Variants in EYS observed in about 807,000 individuals in gnomAD.
EYS encodes EGF-like photoreceptor maintenance factor, also known as protein eyes shut homolog.
Under a neutral mutation model 282.1 loss-of-function variants are expected in EYS, and 250 were observed. The observed-to-expected ratio is 0.89, with a 90% CI of 0.80 to 0.98. The LOEUF is 0.98. Ranked by LOEUF, EYS falls within the 50% of genes least tolerant of loss-of-function variation. EYS has a pLI of 0.00. For synonymous variants in EYS, 1,355 were observed against 1,282.9 expected, an observed-to-expected ratio of 1.06 and a Z score of -1.20; for missense variants, 4,016 against 3,709.0, an observed-to-expected ratio of 1.08 and a Z score of -2.15.
chr6:64,258,345 C>T (rs1767471968), intron 30 of EYS, among the ~76,000 whole-genome samples: 1 of 151,940 alleles, frequency 6.6e-6, no homozygotes, highest in Admixed American at 6.6e-5. Context: ...GAGAGTGAAC[C>T]CCCAAGGCTG....
At chr6:64,820,991 T>C (rs1488356762) in intron 21 of EYS, among the ~76,000 whole-genome samples, 1 of 152,036 alleles carries the variant, frequency 6.6e-6, no homozygotes, top group Non-Finnish European at 1.5e-5. Flanking sequence ...CCCTTTACCA[T>C]GTTATTGTCA....
Position 64,822,722 on chromosome 6 carries a change from C to T in EYS, c.3093G>A (p.Lys1031=). ...DGINHYTCDC[K]SGFFGTHCET... ...CACAGTGTGTTCCAAAAAACCCACTCTTGCAGTCACAGGTATAATGATTGA... is the reference window on the plus strand; with the variant it reads ...CACAGTGTGTTCCAAAAAACCCACTTTTGCAGTCACAGGTATAATGATTGA... The change falls in exon 20 of 43, where the codon AAG becomes AAA. Residue 1031 remains lysine (K), a synonymous_variant. Coordinates refer to ENST00000503581, the MANE Select transcript of EYS (RefSeq NM_001142800.2). The T allele has an allele frequency of 1.9e-6, 3 of 1,549,634 alleles. No individual in the cohort carries two copies. The highest frequency in any genetic ancestry group is 2.6e-6 in the Non-Finnish European group (3 of 1,145,996).
intron 31 of EYS, among the ~76,000 whole-genome samples, chr6:64,197,589 T>A (rs1024875587): frequency 3.3e-5 from 5 of 152,168 alleles, no homozygotes; most frequent in Admixed American, 2.6e-4. Context: ...CAGAAATAGT[T>A]TCCTCAAATT....
intron 26 of EYS, among the ~76,000 whole-genome samples, chr6:64,553,037 T>C (rs1327568130): frequency 1.3e-5 from 2 of 151,312 alleles, no homozygotes; most frequent in East Asian, 3.9e-4. Flanking sequence ...TCAATCAATG[T>C]ACATCTTGCA....
At chr6:64,333,567 C>A (rs548319689) in intron 29 of EYS, among the ~76,000 whole-genome samples, 1 of 152,250 alleles carries the variant, frequency 6.6e-6, no homozygotes, top group East Asian at 1.9e-4. Flanking sequence ...CTGGAACATG[C>A]AACCCACTCA....
chr6:64,249,611 G>A (rs1403375570), intron 30 of EYS, among the ~76,000 whole-genome samples: 1 of 152,090 alleles, frequency 6.6e-6, no homozygotes, highest in African/African-American at 2.4e-5. Context: ...GAATCAACAA[G>A]AGAGAAATTT....
chr6:65,293,908 A>T (rs1365501669), intron 12 of EYS, among the ~76,000 whole-genome samples: 3 of 151,968 alleles, frequency 2.0e-5, no homozygotes, highest in Non-Finnish European at 4.4e-5. Flanking sequence ...TTGATATAAA[A>T]AGCCATGGTT....
At chr6:65,374,859 C>T (rs553187297) in intron 8 of EYS, among the ~76,000 whole-genome samples, 76 of 152,214 alleles carry the variant, frequency 5.0e-4, no homozygotes, top group African/African-American at 1.6e-3. Flanking sequence ...AGGGCATCTC[C>T]GAAAGAAAGG....
At chr6:63,791,185 G>C (rs961160480) in intron 37 of EYS, among the ~76,000 whole-genome samples, 2 of 152,088 alleles carry the variant, frequency 1.3e-5, no homozygotes, top group African/African-American at 4.8e-5. Context: ...CTTGTTAGAT[G>C]AAAAAAGAGG....
At chr6:63,974,707 G>C (rs545730456) in intron 35 of EYS, among the ~76,000 whole-genome samples, 1 of 151,812 alleles carries the variant, frequency 6.6e-6, no homozygotes, top group African/African-American at 2.4e-5. Flanking sequence ...TTTCAAATTC[G>C]GTGTAAGGAA....
intron 22 of EYS, among the ~76,000 whole-genome samples, chr6:64,707,466 A>G (rs148143425): frequency 0.017 from 2,526 of 152,012 alleles, 62 homozygotes; most frequent in African/African-American, 0.055. Flanking sequence ...TCAGGAGATC[A>G]AGACCATCCT....
At chr6:65,468,116 A>G (rs1418491962) in intron 5 of EYS, among the ~76,000 whole-genome samples, 1 of 152,078 alleles carries the variant, frequency 6.6e-6, no homozygotes, top group Non-Finnish European at 1.5e-5. Context: ...TAACCTCCTG[A>G]GCACTCCTAT....
At chr6:64,656,716 G>T (rs1202579961) in intron 22 of EYS, among the ~76,000 whole-genome samples, 1 of 152,160 alleles carries the variant, frequency 6.6e-6, no homozygotes, top group African/African-American at 2.4e-5. Context: ...ATCAGTAATT[G>T]TTGGGGGCTG....
chr6:64,712,379 A>G (rs1771243122), intron 22 of EYS, among the ~76,000 whole-genome samples: 1 of 152,228 alleles, frequency 6.6e-6, no homozygotes, highest in Non-Finnish European at 1.5e-5. Flanking sequence ...CTTCAGAAAG[A>G]TAGCTTTAGC....
chr6:65,320,256 A>C (rs951463178), intron 11 of EYS, among the ~76,000 whole-genome samples: 3 of 151,740 alleles, frequency 2.0e-5, no homozygotes, highest in Non-Finnish European at 2.9e-5. Flanking sequence ...GAGATTCCAA[A>C]AGGAATAGAA....
chr6:64,747,036 A>G (rs905322768), intron 22 of EYS, among the ~76,000 whole-genome samples: 6 of 152,206 alleles, frequency 3.9e-5, no homozygotes, highest in Non-Finnish European at 8.8e-5. Context: ...TTCTACCACT[A>G]CAACCACTCT....
At chr6:65,297,723 C>G (rs910429766) in intron 11 of EYS, among the ~76,000 whole-genome samples, 2 of 151,928 alleles carry the variant, frequency 1.3e-5, no homozygotes, top group African/African-American at 4.8e-5. Context: ...ACCCTTCCAA[C>G]AAAGTTACCT....
At chr6:64,809,938 T>A (rs1055128992) in intron 22 of EYS, among the ~76,000 whole-genome samples, 2 of 152,072 alleles carry the variant, frequency 1.3e-5, no homozygotes, top group Non-Finnish European at 2.9e-5. Context: ...CCCTATAACA[T>A]ACCTGTGTAT....
chr6:64,411,925 G>GTATATATGTTTATATATGTATGCATA (rs1561980315), intron 28 of EYS, among the ~76,000 whole-genome samples: 2 of 117,316 alleles, frequency 1.7e-5, no homozygotes, highest in Non-Finnish European at 3.9e-5. Context: ...ATGCATGCAT[G>GTATATATGTTTATATATGTATGCATA]TATGTATATA....
Sources: gnomAD v4.1 joint callset for allele counts (sites outside exome capture counted in the v4.1 genomes callset) on GRCh38, gnomAD v4.1.1 for gene constraint, MANE v1.5 for transcripts, NCBI Gene and HGNC (gene_info 2026-07-23, HGNC 2026-07-21) for gene names.